The following ITSN1 variants were observed in gnomAD, a reference collection of about 807,000 sequenced individuals.
The protein encoded by ITSN1 is intersectin-1.
Under a neutral mutation model 239.8 loss-of-function variants are expected in ITSN1, and 58 were observed. The observed-to-expected ratio is 0.24, with a 90% CI of 0.20 to 0.30. The LOEUF (loss-of-function observed/expected upper bound fraction) is 0.30, where lower values mean the gene tolerates loss of function less well. Among genes scored for constraint, ITSN1 ranks in the 10% least tolerant of loss-of-function variants. The pLI, the probability that ITSN1 is intolerant of heterozygous loss-of-function variation, is 1.00. For missense variants in ITSN1, 1,558 were observed against 2,103.3 expected, an observed-to-expected ratio of 0.74 and a Z score of 5.07; for synonymous variants, 780 against 770.8, an observed-to-expected ratio of 1.01 and a Z score of -0.20.
chr21:33,778,006 G>GT (rs992352611), intron 14 of ITSN1, among the ~76,000 whole-genome samples: 8 of 152,194 alleles, frequency 5.3e-5, no homozygotes, highest in African/African-American at 1.4e-4. Flanking sequence ...TAGATCATAT[G>GT]TTTTTTCCCC....
chr21:33,893,155 C>T lies in ITSN1; in HGVS notation c.*4855C>T, dbSNP rs75586969. 0.081 allele frequency: 12,310 copies of T among 152,322 alleles called. 728 individuals carry two copies. Among genetic ancestry groups the T allele is most frequent in the East Asian group, 0.23 (1,216 of 5,178 alleles). 9.4% of individuals were successfully genotyped at this position (152,322 alleles called of 1,614,324 possible). On this transcript the variant is annotated 3_prime_UTR_variant, in exon 40 of 40. Transcript: ENST00000381318. ...GTGGCTCAGTCCCTGCTCTCCTTGT[C>T]GCAGTGGCTTGTACTTCATGTGCAG...
rs1298877906 is a variant in ITSN1 at position 33,655,724 on chromosome 21, C to T, written c.-33+13011C>T. On this transcript the variant is annotated intron_variant, in intron 1 of 39. Coordinates refer to ENST00000381318, the MANE Select transcript of ITSN1 (RefSeq NM_003024.3). ...CTGGAATTACAGGCGTGAGCCACTG[C>T]GAAGGGCCTTGAAACAAGACTCTAA... Among the ~76,000 whole-genome samples, 8 of 151,630 alleles carry T rather than the reference C, an allele frequency of 5.3e-5. No homozygotes were observed. The South Asian group carries it at 1.2e-3, about 24-fold the overall frequency.
intron 1 of ITSN1, among the ~76,000 whole-genome samples, chr21:33,661,853 A>G (rs560599208): frequency 1.2e-4 from 18 of 151,938 alleles, no homozygotes; most frequent in Non-Finnish European, 2.1e-4. Flanking sequence ...CACCATGATT[A>G]TGAGGCCTCC....
At chr21:33,887,245 G>A (rs1380791835) in intron 39 of ITSN1, among the ~76,000 whole-genome samples, 3 of 151,808 alleles carry the variant, frequency 2.0e-5, no homozygotes, top group African/African-American at 7.3e-5. Context: ...CTTGAGCCTG[G>A]GAGGTCGAGG....
chr21:33,877,769 G>A (rs1042532999), intron 34 of ITSN1, among the ~76,000 whole-genome samples: 2 of 151,728 alleles, frequency 1.3e-5, no homozygotes, highest in Non-Finnish European at 2.9e-5. Context: ...GATCTTCCAA[G>A]GTTCCTATTT....
intron 1 of ITSN1, among the ~76,000 whole-genome samples, chr21:33,665,931 CTTT>C (rs777504321): frequency 5.7e-5 from 8 of 139,366 alleles, no homozygotes; most frequent in Admixed American, 1.5e-4. Flanking sequence ...TGTATGGTTC[CTTT>C]TTTTTTTTTT....
At chr21:33,722,828 G>C (rs927997435) in intron 4 of ITSN1, among the ~76,000 whole-genome samples, 177 bp downstream of exon 4, 3 of 151,960 alleles carry the variant, frequency 2.0e-5, no homozygotes, top group Non-Finnish European at 4.4e-5. Flanking sequence ...TTCTCATATG[G>C]AACTAAAACA....
chr21:33,873,608 C>T (rs1021575638), intron 33 of ITSN1, among the ~76,000 whole-genome samples: 7 of 151,912 alleles, frequency 4.6e-5, no homozygotes, highest in East Asian at 1.9e-4. Context: ...TGGTGGCTCA[C>T]GCCTGTAATC....
chr21:33,840,746 C>T (rs188766355), intron 29 of ITSN1, among the ~76,000 whole-genome samples: 146 of 152,380 alleles, frequency 9.6e-4, no homozygotes, highest in Non-Finnish European at 1.6e-3. Flanking sequence ...GATCCACCCA[C>T]CTCGGCCTCC....
chr21:33,676,823 C>T (rs1241753965), intron 1 of ITSN1, among the ~76,000 whole-genome samples: 1 of 152,138 alleles, frequency 6.6e-6, no homozygotes, highest in African/African-American at 2.4e-5. Flanking sequence ...TTTCCAGCTT[C>T]ATCCATGCCC....
chr21:33,763,136 A>C (rs769337603), intron 9 of ITSN1, among the ~76,000 whole-genome samples: 1 of 142,610 alleles, frequency 7.0e-6, no homozygotes, highest in Non-Finnish European at 1.5e-5. Flanking sequence ...GCAATACTTG[A>C]GTTTTCCATC....
chr21:33,749,393 A>G (rs1392059133), intron 5 of ITSN1, among the ~76,000 whole-genome samples: 3 of 152,164 alleles, frequency 2.0e-5, no homozygotes, highest in Admixed American at 2.0e-4. Flanking sequence ...CTGTAATCCC[A>G]GCACTTTGGG....
At chr21:33,697,234 A>ATTTTTTTTTTTTTTTTTT (rs11419453) in intron 1 of ITSN1, among the ~76,000 whole-genome samples, 1 of 121,708 alleles carries the variant, frequency 8.2e-6, no homozygotes, top group African/African-American at 3.1e-5. Context: ...CACCTGGCTA[A>ATTTTTTTTTTTTTTTTTT]TTTTTTTTTT....
chr21:33,829,078 G>C (rs930874819), intron 26 of ITSN1: 2 of 450,640 alleles, frequency 4.4e-6, no homozygotes, highest in East Asian at 1.4e-4. Context: ...AGGCTGTGTC[G>C]TTGGGAGTGA....
intron 16 of ITSN1, among the ~76,000 whole-genome samples, chr21:33,788,455 G>T (rs183157005): frequency 3.2e-4 from 48 of 152,354 alleles, no homozygotes; most frequent in Admixed American, 3.1e-3. Flanking sequence ...GTCAGGCCAG[G>T]TGCAGTGGCT....
At chr21:33,876,887 ATAGATATAGATG>A (rs1464565031) in intron 34 of ITSN1, among the ~76,000 whole-genome samples, 1 of 148,126 alleles carries the variant, frequency 6.8e-6, no homozygotes, top group African/African-American at 2.4e-5. Flanking sequence ...ACAAACAGAT[ATAGATATAGATG>A]TAGATATAGA....
chr21:33,673,718 C>T (rs2090436995), intron 1 of ITSN1, among the ~76,000 whole-genome samples: 1 of 151,136 alleles, frequency 6.6e-6, no homozygotes, highest in Non-Finnish European at 1.5e-5. Context: ...TTCTCAAGAG[C>T]AGCCAGGATG....
At chr21:33,654,661 A>G (rs1425756628) in intron 1 of ITSN1, among the ~76,000 whole-genome samples, 1 of 152,186 alleles carries the variant, frequency 6.6e-6, no homozygotes, top group African/African-American at 2.4e-5. Flanking sequence ...TTCCCTGGAA[A>G]TTTGAAACTA....
At chr21:33,726,534 T>TA (rs1205972844) in intron 4 of ITSN1, among the ~76,000 whole-genome samples, 1 of 152,134 alleles carries the variant, frequency 6.6e-6, no homozygotes, top group Non-Finnish European at 1.5e-5. Context: ...GACAGGGTCT[T>TA]ACTCTGTCAC....
Sources: allele counts gnomAD v4.1 joint callset (sites outside exome capture counted in the v4.1 genomes callset), GRCh38; gene constraint gnomAD v4.1.1; transcripts MANE v1.5; gene names NCBI Gene and HGNC (gene_info 2026-07-23, HGNC 2026-07-21).